DTNA: variants seen among roughly 807,000 people sequenced by gnomAD.
DTNA encodes dystrobrevin alpha, also known as dystrophin-related protein 3.
DTNA carries 43 observed loss-of-function variants against 100.7 expected under a neutral mutation model. That is an observed-to-expected ratio of 0.43 (90% CI 0.33 to 0.55). The LOEUF (loss-of-function observed/expected upper bound fraction) is 0.55, where lower values mean the gene tolerates loss of function less well. Among genes scored for constraint, DTNA ranks in the 20% least tolerant of loss-of-function variants. DTNA has a pLI of 0.04. For missense variants in DTNA, 798 were observed against 953.9 expected, an observed-to-expected ratio of 0.84 and a Z score of 2.15; for synonymous variants, 349 against 347.9, an observed-to-expected ratio of 1.00 and a Z score of -0.04.
At chr18:34,564,491 G>A (rs1375214677) in intron 1 of DTNA, among the ~76,000 whole-genome samples, 2 of 152,200 alleles carry the variant, frequency 1.3e-5, no homozygotes, top group South Asian at 2.1e-4. Context: ...AACTGGGAAA[G>A]TCATAGTCTT....
chr18:34,861,385 C>G lies in DTNA; in HGVS notation c.1647-2581C>G, dbSNP rs74537537. Among the ~76,000 whole-genome samples the G allele has an allele frequency of 6.6e-3, 962 of 145,554 alleles. 14 individuals are homozygous for G. Among genetic ancestry groups the G allele is most frequent in the African/African-American group, 0.023 (922 of 39,638 alleles). On this transcript the variant is annotated intron_variant, in intron 16 of 22. Transcript: ENST00000444659. ...CCTGTACTCCCAGCTGCTGCAGAGG[C>G]TGAGACAGGAGAATGGCGTGAACCC...
chr18:34,536,403 G>C (rs539157372), intron 1 of DTNA, among the ~76,000 whole-genome samples: 165 of 151,896 alleles, frequency 1.1e-3, no homozygotes, highest in African/African-American at 3.9e-3. Flanking sequence ...AGCGTTCTAG[G>C]TTCTTATTCC....
At chr18:34,534,934 A>G (rs1411020128) in intron 1 of DTNA, among the ~76,000 whole-genome samples, 2 of 152,236 alleles carry the variant, frequency 1.3e-5, no homozygotes, top group Non-Finnish European at 2.9e-5. Flanking sequence ...GCTATTGTAA[A>G]TAGTGCTGCA....
chr18:34,598,645 C>T (rs527970580), intron 1 of DTNA, among the ~76,000 whole-genome samples: 3 of 152,128 alleles, frequency 2.0e-5, no homozygotes, highest in East Asian at 3.9e-4. Flanking sequence ...GGGTGGATCA[C>T]GAGGTCAGGA....
intron 2 of DTNA, chr18:34,759,824 G>A (rs2047643744): frequency 6.6e-6 from 1 of 152,242 alleles, no homozygotes; most frequent in Admixed American, 6.6e-5. Flanking sequence ...GGGACTACAG[G>A]TGCACCACCA....
chr18:34,856,586 A>T (rs2150030056), intron 15 of DTNA, among the ~76,000 whole-genome samples: 1 of 152,278 alleles, frequency 6.6e-6, no homozygotes, highest in Middle Eastern at 3.4e-3. Context: ...AGGCTGATAT[A>T]TGTGGGGTTT....
intron 1 of DTNA, among the ~76,000 whole-genome samples, chr18:34,548,800 C>T (rs997941637): frequency 1.3e-5 from 2 of 152,066 alleles, no homozygotes; most frequent in African/African-American, 4.8e-5. Flanking sequence ...CGGGTAACTG[C>T]ATAATGGCAT....
At chr18:34,598,348 C>T (rs1196234812) in intron 1 of DTNA, among the ~76,000 whole-genome samples, 1 of 151,674 alleles carries the variant, frequency 6.6e-6, no homozygotes, top group Non-Finnish European at 1.5e-5. Context: ...AGTGGGAAAA[C>T]TGACATATTT....
At chr18:34,873,963 T>C (rs2096790492) in intron 17 of DTNA, among the ~76,000 whole-genome samples, 1 of 152,184 alleles carries the variant, frequency 6.6e-6, no homozygotes, top group African/African-American at 2.4e-5. Context: ...AATGGGACCC[T>C]CAGCCCATTG....
chr18:34,499,810 G>T (rs1430746773), intron 1 of DTNA, among the ~76,000 whole-genome samples: 1 of 151,994 alleles, frequency 6.6e-6, no homozygotes, highest in Admixed American at 6.5e-5. Flanking sequence ...TATTTGGATT[G>T]TTTGGGAGTT....
intron 1 of DTNA, among the ~76,000 whole-genome samples, chr18:34,642,082 G>A (rs2148373312): frequency 6.6e-6 from 1 of 152,204 alleles, no homozygotes; most frequent in South Asian, 2.1e-4. Context: ...TTATTCACTG[G>A]ATATGAGGTA....
intron 15 of DTNA, among the ~76,000 whole-genome samples, chr18:34,852,757 C>T (rs1437987546): frequency 6.6e-6 from 1 of 152,154 alleles, no homozygotes; most frequent in Non-Finnish European, 1.5e-5. Context: ...TCCTCCAGGT[C>T]TCTGTGTGGA....
intron 21 of DTNA, among the ~76,000 whole-genome samples, chr18:34,882,482 C>T (rs1235978975): frequency 1.1e-4 from 16 of 152,132 alleles, no homozygotes; most frequent in Non-Finnish European, 1.3e-4. Context: ...GATTCTCCTG[C>T]CTCAGCCTCC....
chr18:34,789,323 A>G (rs1412161777), intron 3 of DTNA, among the ~76,000 whole-genome samples: 1 of 152,248 alleles, frequency 6.6e-6, no homozygotes, highest in Admixed American at 6.5e-5. Flanking sequence ...CTTCCCTTAA[A>G]GTCAGAAATG....
rs1603298878 is a variant in DTNA at position 34,865,981 on chromosome 18, G to A, written c.1743+1919G>A. ...GTAGACTTGGAGTGATAGTCACTGA[G>A]GTGGCAGAGGCCTGGACCTGCCGTC... On this transcript the variant is annotated intron_variant, in intron 17 of 22. Transcript: ENST00000444659. 16 of 955,868 alleles carry A rather than the reference G, an allele frequency of 1.7e-5. 1 individual carries two copies. The South Asian group carries it at 2.0e-4, about 12-fold the overall frequency. 59.2% of individuals were successfully genotyped at this position (955,868 alleles called of 1,614,324 possible).
At chr18:34,645,980 TTATC>T (rs1473765829) in intron 1 of DTNA, among the ~76,000 whole-genome samples, 1 of 152,180 alleles carries the variant, frequency 6.6e-6, no homozygotes, top group Non-Finnish European at 1.5e-5. Context: ...CCCCTCCTAT[TTATC>T]CTTCTAACTG....
At chr18:34,668,932 T>C (rs139169739) in intron 1 of DTNA, among the ~76,000 whole-genome samples, 97 of 152,326 alleles carry the variant, frequency 6.4e-4, no homozygotes, top group African/African-American at 2.3e-3. Context: ...TCTGTAGATG[T>C]CTATTAGGTC....
At chr18:34,652,443 G>A (rs1206226457) in intron 1 of DTNA, among the ~76,000 whole-genome samples, 1 of 152,018 alleles carries the variant, frequency 6.6e-6, no homozygotes, top group Non-Finnish European at 1.5e-5. Context: ...GTTCCTACAT[G>A]CCCAGGTGTT....
At chr18:34,554,644 T>C (rs1030087238) in intron 1 of DTNA, among the ~76,000 whole-genome samples, 1 of 151,052 alleles carries the variant, frequency 6.6e-6, no homozygotes, top group Non-Finnish European at 1.5e-5. Context: ...ATGTGGTTTT[T>C]GTCTTTGGCT....
Sources: gnomAD v4.1 joint callset for allele counts (sites outside exome capture counted in the v4.1 genomes callset) on GRCh38, gnomAD v4.1.1 for gene constraint, MANE v1.5 for transcripts, NCBI Gene and HGNC (gene_info 2026-07-23, HGNC 2026-07-21) for gene names.